The following MKRN1 variants were observed in gnomAD, a reference collection of about 807,000 sequenced individuals.
MKRN1 encodes the protein makorin ring finger protein 1, also known as E3 ubiquitin-protein ligase makorin-1.
MKRN1 carries 9 observed loss-of-function variants against 55.5 expected under a neutral mutation model. The observed-to-expected ratio is 0.16, with a 90% CI of 0.10 to 0.28. The LOEUF (loss-of-function observed/expected upper bound fraction) is 0.28, where lower values mean the gene tolerates loss of function less well. MKRN1 is among the 10% of genes least tolerant of loss of function. MKRN1 has a pLI of 1.00. For missense variants in MKRN1, 488 were observed against 626.7 expected, an observed-to-expected ratio of 0.78 and a Z score of 2.36; for synonymous variants, 253 against 235.9, an observed-to-expected ratio of 1.07 and a Z score of -0.66.
chr7:140,464,750 A>G (rs1303515142), intron 2 of MKRN1, among the ~76,000 whole-genome samples: 2 of 141,256 alleles, frequency 1.4e-5, no homozygotes, highest in African/African-American at 6.0e-5. Context: ...TTAAAAGATA[A>G]TTTCCAAAAA....
At position 140,459,112 on chromosome 7, in the gene MKRN1, G is replaced by A; in HGVS notation, c.666C>T (p.Cys222=). The A allele has an allele frequency of 6.2e-7, 1 of 1,613,938 alleles. No homozygotes were observed. Among genetic ancestry groups the A allele is most frequent in the Non-Finnish European group, 8.5e-7 (1 of 1,179,852 alleles). ...QLCPYAAVGE[C]RYGENCVYLH... ...GATACACACAGTTCTCCCCGTATCG[G>A]CACTCTCCCACTGCAGCATAGGGGC... The change falls in exon 4 of 8, where the codon TGC becomes TGT. Residue 222 remains cysteine, a synonymous_variant. Coordinates refer to ENST00000255977, the MANE Select transcript of MKRN1 (RefSeq NM_013446.4).
intron 2 of MKRN1, among the ~76,000 whole-genome samples, chr7:140,466,350 C>CAGCT (rs1202845048): frequency 3.3e-5 from 5 of 152,118 alleles, no homozygotes; most frequent in African/African-American, 1.2e-4. Flanking sequence ...AGAAAAGAGG[C>CAGCT]AGCTACATCC....
At position 140,459,077 on chromosome 7, in the gene MKRN1, T is replaced by A; in HGVS notation, c.701A>T (p.Asp234Val). 6.2e-7 allele frequency: 1 copy of A among 1,613,966 alleles called. No individual in the cohort carries two copies. Among genetic ancestry groups the A allele is most frequent in the Non-Finnish European group, 8.5e-7 (1 of 1,179,874 alleles). ...CTGCAGCCCACACATGTCACAAGAA[T>A]CTCCGTGGAGATACACACAGTTCTC... is the stretch of plus-strand genomic sequence containing the variant. Reference protein sequence around the residue: ...YGENCVYLHGDSCDMCGLQVL... With the variant: ...YGENCVYLHGVSCDMCGLQVL... Residue 234 changes from aspartate (D) to valine (V), a missense_variant, in exon 4 of 8, where the codon GAT becomes GTT. Coordinates refer to ENST00000255977, the MANE Select transcript of MKRN1 (RefSeq NM_013446.4).
At chr7:140,461,163 ACT>A (rs1194398182) in intron 2 of MKRN1, among the ~76,000 whole-genome samples, 1 of 152,246 alleles carries the variant, frequency 6.6e-6, no homozygotes, top group Admixed American at 6.5e-5. Context: ...AAATGCTGTC[ACT>A]ATTAAAAGGT....
intron 4 of MKRN1, 50 bp downstream of exon 4, chr7:140,458,957 A>G: frequency 6.3e-7 from 1 of 1,576,418 alleles, no homozygotes; most frequent in East Asian, 2.2e-5. Flanking sequence ...GTGAAAGGGC[A>G]AATAATGATT....
chr7:140,454,199 AGT>A lies in MKRN1; in HGVS notation c.*316_*317del, dbSNP rs1282008637. 8.7e-6 allele frequency: 3 copies of A among 343,414 alleles called. No individual in the cohort carries two copies. Among genetic ancestry groups the A allele is most frequent in the Non-Finnish European group, 1.7e-5 (3 of 178,768 alleles). 21.3% of individuals were successfully genotyped at this position (343,414 alleles called of 1,614,324 possible). ...TTTTGAACCTGGGGTCCTCAAAATG[AGT>A]GTGTGAAAAGTCCATAAATGCAATC... On this transcript the variant is annotated 3_prime_UTR_variant, in exon 8 of 8. Coordinates refer to ENST00000255977, the MANE Select transcript of MKRN1 (RefSeq NM_013446.4).
chr7:140,479,420 C>CGGCGAGGCCA lies in MKRN1; in HGVS notation c.-86_-77dup. 8.0e-7 allele frequency: 1 copy of CGGCGAGGCCA among 1,247,252 alleles called. No individual in the cohort carries two copies. The highest frequency in any genetic ancestry group is 1.6e-5 in the African/African-American group (1 of 64,424). 77.3% of individuals were successfully genotyped at this position (1,247,252 alleles called of 1,614,324 possible). On this transcript the variant is annotated 5_prime_UTR_variant, in exon 1 of 8. Transcript: ENST00000255977. ...TTCCGGTCCGGCTGCGGGGAGAGGA[C>CGGCGAGGCCA]GGCGAGGCCAGGCGAGGGGAGGGGA...
At chr7:140,472,432 CA>C (rs911634997) in intron 1 of MKRN1, 195 of 148,082 alleles carry the variant, frequency 1.3e-3, no homozygotes, top group South Asian at 2.9e-3. Context: ...GACTCCATTT[CA>C]AAAAAAAAAA....
At chr7:140,471,747 GGCATGAGCCACTGCCCAGCC>G in intron 2 of MKRN1, 116 bp downstream of exon 2, 2 of 1,230,542 alleles carry the variant, frequency 1.6e-6, no homozygotes, top group South Asian at 3.0e-5. Flanking sequence ...TGGGATTATA[GGCATGAGCCACTGCCCAGCC>G]AAGAGTCATT....
In MKRN1 at chr7:140,470,607, CCAAA is replaced by C. The variant is rs547480688; in HGVS notation, c.314+1272_314+1275del. ...TCCTAAACAAAACAAACAAAAAAAC[CCAAA>C]CAAACAAACAAAAAACAATGCTGGC... On this transcript the variant is annotated intron_variant, in intron 2 of 7. Transcript: ENST00000255977. Among the ~76,000 whole-genome samples the C allele has an allele frequency of 1.9e-4, 28 of 149,290 alleles. 1 individual carries two copies. The South Asian group carries it at 4.5e-3, about 24-fold the overall frequency.
chr7:140,479,138 G>A (rs1795212778), intron 1 of MKRN1, 22 bp downstream of exon 1: 1 of 1,310,342 alleles, frequency 7.6e-7, no homozygotes, highest in Non-Finnish European at 9.7e-7. Flanking sequence ...CGCGCCCGGC[G>A]CTCCGCCGCG....
chr7:140,472,242 C>G (rs1794949746), intron 1 of MKRN1: 1 of 486,408 alleles, frequency 2.1e-6, no homozygotes, highest in Admixed American at 3.5e-5. Flanking sequence ...CGAGACCAGC[C>G]TGGGCAACAT....
rs1794466911 is a variant in MKRN1, at chr7:140,456,406, A to G, written c.986+246T>C. 8 of 1,347,902 alleles carry G rather than the reference A, an allele frequency of 5.9e-6. No individual in the cohort carries two copies. The South Asian group carries it at 1.1e-4, about 19-fold the overall frequency. The allele number at this position is 1,347,902 out of a possible 1,614,324, so 83.5% of individuals were successfully genotyped here. ...AACTGGCTAATAATCCATTAAACAC[A>G]ATCTCCTCAGAAAAAGCACGAAGAT... On this transcript the variant is annotated intron_variant, in intron 5 of 7. Transcript: ENST00000255977.
intron 2 of MKRN1, among the ~76,000 whole-genome samples, chr7:140,464,091 G>A (rs1193490476): frequency 6.6e-6 from 1 of 151,762 alleles, no homozygotes; most frequent in Non-Finnish European, 1.5e-5. Context: ...GCTAATTTTT[G>A]TATTTTTAGT....
chr7:140,460,111 T>C (rs561788981), intron 2 of MKRN1, 175 bp from the exon 3 acceptor site: 28 of 625,986 alleles, frequency 4.5e-5, no homozygotes, highest in African/African-American at 4.4e-4. Context: ...TAGCTGGGCA[T>C]GGTGGCGCAC....
chr7:140,476,940 G>A (rs1473668596), intron 1 of MKRN1, among the ~76,000 whole-genome samples: 1 of 151,806 alleles, frequency 6.6e-6, no homozygotes, highest in Non-Finnish European at 1.5e-5. Context: ...TTAGTCAGGT[G>A]GGCATGGTGG....
Position 140,456,677 on chromosome 7 carries a change from T to C in MKRN1, c.961A>G (p.Lys321Glu). The C allele has an allele frequency of 6.2e-7, 1 of 1,614,142 alleles. No homozygotes were observed. Residue 321 changes from lysine (K) to glutamate (E), a missense_variant, in exon 5 of 8, where the codon AAG becomes GAG. Around this residue, in one of 2 missense-constraint regions of MKRN1, gnomAD observed 278 missense variants for 406.7 expected, o/e 0.68. Transcript: ENST00000255977. ...TTTATGATCTTGCTCTCAAATTGCT[T>C]AGCACTCCTCCACTTGCGAATGCAC... ...LKCIRKWRSA[K>E]QFESKIIKSC...
intron 2 of MKRN1, among the ~76,000 whole-genome samples, chr7:140,467,635 G>T (rs554592291): frequency 1.3e-5 from 2 of 152,258 alleles, no homozygotes; most frequent in East Asian, 3.9e-4. Flanking sequence ...ACCAAAATAG[G>T]GAACCTACCT....
chr7:140,475,505 C>CA lies in MKRN1; in HGVS notation c.186-3495dup, dbSNP rs988675959. ...TGAAACCCTGTCTCTATCAAAAATGCAAAAAAAAATTAGCCTGGGGTGGTG... is the reference window on the plus strand; with the variant it reads ...TGAAACCCTGTCTCTATCAAAAATGCAAAAAAAAAATTAGCCTGGGGTGGTG... On this transcript the variant is annotated intron_variant, in intron 1 of 7. Coordinates refer to ENST00000255977, the MANE Select transcript of MKRN1 (RefSeq NM_013446.4). Among the ~76,000 whole-genome samples the CA allele has an allele frequency of 1.6e-4, 24 of 149,432 alleles. No homozygotes were observed. The South Asian group carries it at 2.1e-3, about 13-fold the overall frequency.
Sources: gnomAD v4.1 joint callset for allele counts (sites outside exome capture counted in the v4.1 genomes callset) on GRCh38, gnomAD v4.1.1 for gene constraint, gnomAD v4.1.1 regional missense constraint, MANE v1.5 for transcripts, NCBI Gene and HGNC (gene_info 2026-07-23, HGNC 2026-07-21) for gene names.